SLC17A2: variants seen among roughly 807,000 people sequenced by gnomAD.
SLC17A2 encodes solute carrier family 17 member 2, also known as sodium-dependent phosphate transport protein 3.
Under a neutral mutation model 52.1 loss-of-function variants are expected in SLC17A2, and 38 were observed. The observed-to-expected ratio is 0.73, with a 90% CI of 0.56 to 0.96. The LOEUF is 0.96. Among genes scored for constraint, SLC17A2 ranks in the 40% least tolerant of loss-of-function variants. SLC17A2 has a pLI of 0.00. For missense variants in SLC17A2, 508 were observed against 583.9 expected (o/e 0.87, Z 1.34); for synonymous variants, 226 against 211.9 (o/e 1.07, Z -0.58).
Position 25,925,804 on chromosome 6 carries a change from C to T in SLC17A2, c.-8G>A. On this transcript the variant is annotated 5_prime_UTR_variant, in exon 2 of 12. Coordinates refer to ENST00000377850, the MANE Select transcript of SLC17A2 (RefSeq NM_001286123.3). ...GGCAGGCTTCCCGTCCATTTAGCTTCTGTGGGAAATGGTACCACGCTTTGT... is the reference window on the plus strand; with the variant it reads ...GGCAGGCTTCCCGTCCATTTAGCTTTTGTGGGAAATGGTACCACGCTTTGT... The T allele has an allele frequency of 1.2e-6, 2 of 1,614,152 alleles. No homozygotes were observed. Among genetic ancestry groups the T allele is most frequent in the Non-Finnish European group, 1.7e-6 (2 of 1,179,942 alleles).
At chr6:25,915,963 T>C (rs1293572718) in intron 8 of SLC17A2, 95 bp from the exon 9 acceptor site, 1 of 1,196,420 alleles carries the variant, frequency 8.4e-7, no homozygotes, top group Non-Finnish European at 1.2e-6. Flanking sequence ...ACCCCCATGA[T>C]ACTGTGGGTT....
Position 25,912,769 on chromosome 6 carries a change from TA to T in SLC17A2, c.*547del, listed in dbSNP as rs1246409119. 3 of 152,270 alleles carry T rather than the reference TA, an allele frequency of 2.0e-5. No individual in the cohort carries two copies. Among genetic ancestry groups the T allele is most frequent in the African/African-American group, 7.2e-5 (3 of 41,470 alleles). 9.4% of individuals were successfully genotyped at this position (152,270 alleles called of 1,614,324 possible). ...AAATGGTCTATTTTATTTTAGCATG[TA>T]AATTTTAATAGAATTTAATCACATA... On this transcript the variant is annotated 3_prime_UTR_variant, in exon 12 of 12. Transcript: ENST00000377850.
At chr6:25,923,587 A>T in intron 3 of SLC17A2, 108 bp downstream of exon 3, 1 of 818,114 alleles carries the variant, frequency 1.2e-6, no homozygotes, top group Non-Finnish European at 2.0e-6. Context: ...AGTCAGTTTT[A>T]ATTTGTCATT....
At chr6:25,924,343 A>G (rs536744536) in intron 2 of SLC17A2, among the ~76,000 whole-genome samples, 2 of 152,280 alleles carry the variant, frequency 1.3e-5, no homozygotes, top group South Asian at 4.2e-4. Context: ...TTTATACATA[A>G]CGAGCTGCCT....
chr6:25,914,427 T>A (rs1006349503), intron 11 of SLC17A2, 153 bp downstream of exon 11: 2 of 613,952 alleles, frequency 3.3e-6, no homozygotes, highest in African/African-American at 3.7e-5. Flanking sequence ...TATATTTTTC[T>A]TCCTCTGGGA....
chr6:25,913,278 C>T lies in SLC17A2; in HGVS notation c.*39G>A, dbSNP rs1215989256. 6.2e-7 allele frequency: 1 copy of T among 1,610,974 alleles called. No homozygotes were observed. Among genetic ancestry groups the T allele is most frequent in the Non-Finnish European group, 8.5e-7 (1 of 1,177,412 alleles). On this transcript the variant is annotated 3_prime_UTR_variant, in exon 12 of 12. Coordinates refer to ENST00000377850, the MANE Select transcript of SLC17A2 (RefSeq NM_001286123.3). ...AGAAGTAAAAAATGTTTAAAAAGTTCATGCTCAGTACCACATTTAAGTTTG... is the reference window on the plus strand; with the variant it reads ...AGAAGTAAAAAATGTTTAAAAAGTTTATGCTCAGTACCACATTTAAGTTTG...
chr6:25,915,841 T>C lies in SLC17A2; in HGVS notation c.958A>G (p.Ile320Val), dbSNP rs759255045. 1.9e-6 allele frequency: 3 copies of C among 1,613,960 alleles called. No homozygotes were observed. Among genetic ancestry groups the C allele is most frequent in the Admixed American group, 3.3e-5 (2 of 59,990 alleles). Residue 320 changes from isoleucine to valine, a missense_variant, in exon 9 of 12, where the codon ATT becomes GTT. By Grantham distance (29) the Ile-to-Val change is conservative. Transcript: ENST00000377850. Reference protein sequence around the residue: ...DSGVLSSLPFIAAASCTILGG... With the variant: ...DSGVLSSLPFVAAASCTILGG... The stretch of plus-strand genomic sequence containing the variant: ...AAAATTGTACAGCTTGCAGCAGCAA[T>C]AAAAGGCAGGGAGGACAGAACTCCA...
chr6:25,922,692 G>A (rs16891167), intron 3 of SLC17A2, among the ~76,000 whole-genome samples: 3,640 of 152,228 alleles, frequency 0.024, 126 homozygotes, highest in African/African-American at 0.071. Context: ...GATGACATGG[G>A]AAATGTACAG....
At chr6:25,927,902 C>A (rs1766820493) in intron 1 of SLC17A2, among the ~76,000 whole-genome samples, 1 of 152,190 alleles carries the variant, frequency 6.6e-6, no homozygotes, top group Non-Finnish European at 1.5e-5. Flanking sequence ...TAGCTGAAGT[C>A]ATCTGTGGTC....
chr6:25,917,117 G>C, intron 6 of SLC17A2, 30 bp from the exon 7 acceptor site: 1 of 1,563,836 alleles, frequency 6.4e-7, no homozygotes. Context: ...TTAGTTTTTA[G>C]GTAGATTTGT....
intron 8 of SLC17A2, 44 bp from the exon 9 acceptor site, chr6:25,915,912 A>G (rs377179610): frequency 2.3e-5 from 37 of 1,588,736 alleles, no homozygotes; most frequent in Non-Finnish European, 3.1e-5. Flanking sequence ...GAGATACGTT[A>G]GCACCAAAAT....
At chr6:25,928,788 T>C (rs1766851469) in intron 1 of SLC17A2, among the ~76,000 whole-genome samples, 1 of 152,104 alleles carries the variant, frequency 6.6e-6, no homozygotes, top group African/African-American at 2.4e-5. Flanking sequence ...TTGCAAACAA[T>C]TGAGAACATG....
chr6:25,923,347 A>G (rs796291546), intron 3 of SLC17A2, among the ~76,000 whole-genome samples: 8 of 152,346 alleles, frequency 5.3e-5, no homozygotes, highest in African/African-American at 1.7e-4. Flanking sequence ...ACAGGGATAT[A>G]AAATTGCTCA....
chr6:25,923,884 G>A lies in SLC17A2; in HGVS notation c.51C>T (p.Arg17=). The A allele has an allele frequency of 1.2e-6, 2 of 1,614,114 alleles. No individual in the cohort carries two copies. The highest frequency in any genetic ancestry group is 1.7e-6 in the Non-Finnish European group (2 of 1,180,022). ...TRKGPDFCSL[R]YGLALIMHFS... is the part of the protein sequence containing the mutation. Reference sequence around the variant, plus strand: ...AGTGCATGATAAGAGCCAGCCCATAGCGTAATGAACAGAAATCTGGACCTA... The same window carrying A: ...AGTGCATGATAAGAGCCAGCCCATAACGTAATGAACAGAAATCTGGACCTA... The change falls in exon 3 of 12, where the codon CGC becomes CGT. Residue 17 remains arginine, a synonymous_variant. Coordinates refer to ENST00000377850, the MANE Select transcript of SLC17A2 (RefSeq NM_001286123.3).
chr6:25,918,936 T>TA (rs1326360194), intron 5 of SLC17A2, among the ~76,000 whole-genome samples: 1 of 152,128 alleles, frequency 6.6e-6, no homozygotes, highest in Non-Finnish European at 1.5e-5. Context: ...ATGAAAGACT[T>TA]ACAAAAATCG....
intron 6 of SLC17A2, 96 bp from the exon 7 acceptor site, chr6:25,917,183 A>G (rs929343462): frequency 1.2e-6 from 1 of 804,814 alleles, no homozygotes; most frequent in African/African-American, 1.7e-5. Flanking sequence ...TCTACACACT[A>G]ATCAATTAAT....
chr6:25,915,153 A>G (rs1242570448), intron 10 of SLC17A2, among the ~76,000 whole-genome samples: 2 of 101,372 alleles, frequency 2.0e-5, no homozygotes, highest in Admixed American at 9.3e-5. Flanking sequence ...GTGACTGTAT[A>G]TATATATATA....
rs529551422 is a variant in SLC17A2, at chr6:25,915,537, G to A, written c.1173C>T (p.Asp391=). The A allele has an allele frequency of 4.0e-5, 62 of 1,569,540 alleles. No homozygotes were observed. In the African/African-American group the frequency reaches 7.0e-4, roughly 18 times the overall value. Residue 391 remains aspartate (D), a synonymous_variant, in exon 10 of 12, where the codon GAC becomes GAT. Coordinates refer to ENST00000377850, the MANE Select transcript of SLC17A2 (RefSeq NM_001286123.3). ...CTAAGGTGTTGATGATAAACCCTGA[G>A]TCACATAGGTTACTGGTCCCAGGAA... ...ILIPGTSNLC[D]SGFIINTLDI...
chr6:25,921,332 G>T lies in SLC17A2; in HGVS notation c.321C>A (p.Ile107=), dbSNP rs756728488. ...SINYGIILTL[I]PSGYLAGIFG... is the part of the protein sequence containing the mutation. ...ATATCCCTGCTAAATATCCACTTGG[G>T]ATCAGAGTCAGTATTATCCCATAGT... Residue 107 remains isoleucine (I), a synonymous_variant, in exon 4 of 12, where the codon ATC becomes ATA. Coordinates refer to ENST00000377850, the MANE Select transcript of SLC17A2 (RefSeq NM_001286123.3). The T allele has an allele frequency of 1.1e-5, 17 of 1,614,124 alleles. No individual in the cohort carries two copies. Among genetic ancestry groups the T allele is most frequent in the Non-Finnish European group, 1.4e-5 (17 of 1,180,018 alleles).
Sources: allele counts gnomAD v4.1 joint callset (sites outside exome capture counted in the v4.1 genomes callset), GRCh38; gene constraint gnomAD v4.1.1; transcripts MANE v1.5; gene names NCBI Gene and HGNC (gene_info 2026-07-23, HGNC 2026-07-21).